The following SYN3 variants were observed in gnomAD, a reference collection of about 807,000 sequenced individuals.
SYN3 encodes the protein synapsin-3.
In SYN3, 35 loss-of-function variants were observed where a neutral mutation model predicts 65.8. That is an observed-to-expected ratio of 0.53 (90% CI 0.41 to 0.70). The LOEUF (loss-of-function observed/expected upper bound fraction) is 0.70, where lower values mean the gene tolerates loss of function less well. Among genes scored for constraint, SYN3 ranks in the 30% least tolerant of loss-of-function variants. The probability of loss-of-function intolerance (pLI) is 0.00; values close to 1 mark genes in which losing one functional copy is unlikely to be tolerated. For missense variants in SYN3, 680 were observed against 749.0 expected (o/e 0.91, Z 1.08); for synonymous variants, 270 against 292.9 (o/e 0.92, Z 0.80).
At chr22:32,959,832 T>C (rs2051591726) in intron 3 of SYN3, among the ~76,000 whole-genome samples, 1 of 152,208 alleles carries the variant, frequency 6.6e-6, no homozygotes, top group African/African-American at 2.4e-5. Context: ...TGGGCTCAAG[T>C]GATCCTTTTG....
chr22:32,614,260 CA>C (rs1279723444), intron 6 of SYN3, among the ~76,000 whole-genome samples: 1 of 152,178 alleles, frequency 6.6e-6, no homozygotes, highest in Non-Finnish European at 1.5e-5. Context: ...TAGAGGCTGG[CA>C]GGGGTTTAAT....
At chr22:33,025,468 T>C (rs1265341445) in intron 1 of SYN3, among the ~76,000 whole-genome samples, 3 of 145,594 alleles carry the variant, frequency 2.1e-5, no homozygotes, top group Non-Finnish European at 3.0e-5. Context: ...AGCTGGTCTC[T>C]ACTAAAAATA....
At chr22:32,961,741 G>A (rs191079557) in intron 3 of SYN3, among the ~76,000 whole-genome samples, 9 of 152,362 alleles carry the variant, frequency 5.9e-5, no homozygotes, top group Admixed American at 3.3e-4. Flanking sequence ...GCGGAGGGCC[G>A]GGGGTTGCAC....
chr22:33,010,765 C>T (rs1314018359), intron 1 of SYN3, among the ~76,000 whole-genome samples: 2 of 152,178 alleles, frequency 1.3e-5, no homozygotes, highest in East Asian at 3.8e-4. Context: ...TCTCTATGAA[C>T]ACAGTAGACC....
intron 12 of SYN3, among the ~76,000 whole-genome samples, chr22:32,524,657 A>G (rs1294722647): frequency 6.6e-6 from 1 of 152,232 alleles, no homozygotes; most frequent in Non-Finnish European, 1.5e-5. Context: ...TTTAATACAT[A>G]TCACGTCTTT....
At chr22:32,716,082 G>A (rs112865518) in intron 6 of SYN3, among the ~76,000 whole-genome samples, 4 of 152,308 alleles carry the variant, frequency 2.6e-5, no homozygotes, top group African/African-American at 9.6e-5. Context: ...CAAATGGGTA[G>A]AGCCCACACA....
chr22:32,569,571 C>CTCTCTCTA (rs1205661126), intron 7 of SYN3, among the ~76,000 whole-genome samples: 9 of 90,930 alleles, frequency 9.9e-5, no homozygotes, highest in African/African-American at 1.5e-4. Flanking sequence ...CTCTCTCTCT[C>CTCTCTCTA]TATATATATA....
intron 4 of SYN3, among the ~76,000 whole-genome samples, chr22:32,884,854 C>A (rs888426855): frequency 1.3e-5 from 2 of 151,916 alleles, no homozygotes; most frequent in African/African-American, 4.8e-5. Flanking sequence ...TCCAGCCTGG[C>A]GACAGAGCGA....
intron 6 of SYN3, among the ~76,000 whole-genome samples, chr22:32,638,996 C>T (rs1474757732): frequency 6.6e-6 from 1 of 152,146 alleles, no homozygotes; most frequent in African/African-American, 2.4e-5. Flanking sequence ...CTCTGTGGCC[C>T]AGGCTGGAGT....
At chr22:32,910,812 C>T (rs2050033634) in intron 4 of SYN3, among the ~76,000 whole-genome samples, 1 of 152,162 alleles carries the variant, frequency 6.6e-6, no homozygotes, top group Non-Finnish European at 1.5e-5. Flanking sequence ...GTGGCAGGTA[C>T]ATAGTAAACA....
At chr22:32,747,219 C>T (rs925547478) in intron 6 of SYN3, among the ~76,000 whole-genome samples, 42 of 152,080 alleles carry the variant, frequency 2.8e-4, no homozygotes, top group Non-Finnish European at 4.3e-4. Flanking sequence ...CTGAGAGAGG[C>T]GAAGTGACTT....
intron 7 of SYN3, among the ~76,000 whole-genome samples, chr22:32,559,005 G>C (rs1371722832): frequency 3.3e-5 from 5 of 152,268 alleles, no homozygotes; most frequent in African/African-American, 1.2e-4. Flanking sequence ...GACAGTGACA[G>C]CTACCTCTAA....
chr22:32,558,660 T>G (rs1451357238), intron 7 of SYN3, among the ~76,000 whole-genome samples: 1 of 152,140 alleles, frequency 6.6e-6, no homozygotes, highest in Non-Finnish European at 1.5e-5. Context: ...GTTTTGAGAG[T>G]GCCATGGGGC....
chr22:32,960,826 T>C (rs2051624696), intron 3 of SYN3, among the ~76,000 whole-genome samples: 1 of 152,086 alleles, frequency 6.6e-6, no homozygotes, highest in African/African-American at 2.4e-5. Context: ...AGCTCTGGGA[T>C]CTTGGGGAAA....
intron 4 of SYN3, among the ~76,000 whole-genome samples, chr22:32,872,871 G>A (rs747774348): frequency 6.6e-6 from 1 of 151,990 alleles, no homozygotes; most frequent in African/African-American, 2.4e-5. Context: ...CAAGATGACA[G>A]GGATGATTCC....
intron 6 of SYN3, among the ~76,000 whole-genome samples, chr22:32,761,277 A>G (rs776015836): frequency 1.3e-5 from 2 of 152,210 alleles, no homozygotes; most frequent in Non-Finnish European, 2.9e-5. Context: ...GTTGATTACC[A>G]AAAGCTCTCT....
chr22:32,628,012 T>G (rs2146796841), intron 6 of SYN3, among the ~76,000 whole-genome samples: 1 of 152,262 alleles, frequency 6.6e-6, no homozygotes, highest in East Asian at 1.9e-4. Flanking sequence ...GTATTTTTAG[T>G]AGAGACGGGG....
chr22:32,991,713 C>G (rs74982943), intron 2 of SYN3, among the ~76,000 whole-genome samples: 1,635 of 152,298 alleles, frequency 0.011, 73 homozygotes, highest in Admixed American at 0.074. Context: ...GCACAGACAA[C>G]CCCTAATTTC....
At position 32,646,427 on chromosome 22, in the gene SYN3, T is replaced by A. The variant is rs1371118321; in HGVS notation, c.712-49691A>T. On this transcript the variant is annotated intron_variant, in intron 6 of 13. Coordinates refer to ENST00000358763, the MANE Select transcript of SYN3 (RefSeq NM_003490.4). ...TCCACTTACATTTCTTGCATCTGAGTCCCCCTGGGAAGGTGGATGGAGAAC... is the reference window on the plus strand; with the variant it reads ...TCCACTTACATTTCTTGCATCTGAGACCCCCTGGGAAGGTGGATGGAGAAC... 2.6e-5 allele frequency among the ~76,000 whole-genome samples: 4 copies of A among 152,070 alleles called. No homozygotes were observed. In the East Asian group the frequency reaches 7.7e-4, roughly 29 times the overall value.
Sources: allele counts gnomAD v4.1 joint callset (sites outside exome capture counted in the v4.1 genomes callset), GRCh38; gene constraint gnomAD v4.1.1; transcripts MANE v1.5; gene names NCBI Gene and HGNC (gene_info 2026-07-23, HGNC 2026-07-21).